Variants in HIPK4 observed in about 807,000 individuals in gnomAD.
HIPK4 encodes the protein homeodomain-interacting protein kinase 4.
A neutral mutation model predicts 44.8 loss-of-function variants in HIPK4; 26 were observed. The ratio of observed to expected loss-of-function variants is 0.58; its 90% confidence interval spans 0.43 to 0.80. HIPK4 has a LOEUF of 0.80. Among genes scored for constraint, HIPK4 ranks in the 30% least tolerant of loss-of-function variants. The pLI, the probability that HIPK4 is intolerant of heterozygous loss-of-function variation, is 0.00. For missense variants in HIPK4, 729 were observed against 862.6 expected (o/e 0.85, Z 1.94); for synonymous variants, 340 against 355.5 (o/e 0.96, Z 0.49).
At chr19:40,382,806 G>A (rs2079343448) in intron 2 of HIPK4, among the ~76,000 whole-genome samples, 1 of 151,572 alleles carries the variant, frequency 6.6e-6, no homozygotes, top group Admixed American at 6.6e-5. Flanking sequence ...TCACTGCTTT[G>A]GGAGGTCGAG....
intron 1 of HIPK4, among the ~76,000 whole-genome samples, chr19:40,386,763 G>A (rs1256639094): frequency 6.6e-6 from 1 of 152,222 alleles, no homozygotes; most frequent in Non-Finnish European, 1.5e-5. Flanking sequence ...TTGGCACACA[G>A]CAGGGGCTCA....
At chr19:40,386,345 C>T (rs1396682737) in intron 1 of HIPK4, among the ~76,000 whole-genome samples, 3 of 152,134 alleles carry the variant, frequency 2.0e-5, no homozygotes, top group Non-Finnish European at 2.9e-5. Context: ...GCGTGAGCCA[C>T]GGCGCCCAGC....
chr19:40,384,145 G>C lies in HIPK4; in HGVS notation c.466-6C>G, dbSNP rs56003460. 1.9e-6 allele frequency: 3 copies of C among 1,563,964 alleles called. No individual in the cohort carries two copies. Among genetic ancestry groups the C allele is most frequent in the Non-Finnish European group, 2.6e-6 (3 of 1,148,840 alleles). On this transcript the variant is annotated splice_polypyrimidine_tract_variant and splice_region_variant and intron_variant, in intron 1 of 3. Transcript: ENST00000291823. ...GCGGATCCGAAGTCAATCACCTGTC[G>C]GGGGTGGGGAAGAGGGCGAGTGGGC...
intron 1 of HIPK4, among the ~76,000 whole-genome samples, chr19:40,388,590 T>A (rs2079373757): frequency 6.6e-6 from 1 of 152,190 alleles, no homozygotes; most frequent in African/African-American, 2.4e-5. Flanking sequence ...GGCAGAATAA[T>A]CCACCTTTTT....
intron 2 of HIPK4, among the ~76,000 whole-genome samples, chr19:40,382,715 G>A (rs2079342883): frequency 6.6e-6 from 1 of 151,924 alleles, no homozygotes; most frequent in South Asian, 2.1e-4. Flanking sequence ...AGTCCTCATT[G>A]AGGTTTAGCC....
At position 40,389,488 on chromosome 19, in the gene HIPK4, G is replaced by T; in HGVS notation, c.415C>A (p.Pro139Thr). ...ELAIIHADLKPENIMLVDQTR... is the reference protein window; with the variant it reads ...ELAIIHADLKTENIMLVDQTR... ...TGGTCCACCAGCATGATGTTCTCAG[G>T]CTTGAGATCAGCGTGGATGATAGCC... Residue 139 changes from proline (P) to threonine (T), a missense_variant, in exon 1 of 4, where the codon CCT becomes ACT. Around this residue, in one of 2 missense-constraint regions of HIPK4, gnomAD observed 196 missense variants for 295.1 expected, o/e 0.66. Transcript: ENST00000291823. The surrounding 1 kb of genome is among the most constrained non-coding windows in gnomAD (Gnocchi z 4.6). 1 of 1,610,968 alleles carries T rather than the reference G, an allele frequency of 6.2e-7. No homozygotes were observed. Among genetic ancestry groups the T allele is most frequent in the Non-Finnish European group, 8.5e-7 (1 of 1,177,792 alleles).
At position 40,380,162 on chromosome 19, in the gene HIPK4, C is replaced by T. The variant is rs921031721; in HGVS notation, c.1668+161G>A. On this transcript the variant is annotated intron_variant, in intron 3 of 3. Coordinates refer to ENST00000291823, the MANE Select transcript of HIPK4 (RefSeq NM_144685.5). This position sits in a 1 kb window ranked among gnomAD's most constrained non-coding sequence, Gnocchi z 4.2. Reference sequence around the variant, plus strand: ...AGTGCTGAGCCTTATCATATCTTGACGGTATTAGGTGTGTGCTGAGCCTCC... The same window carrying T: ...AGTGCTGAGCCTTATCATATCTTGATGGTATTAGGTGTGTGCTGAGCCTCC... 1.3e-5 allele frequency among the ~76,000 whole-genome samples: 2 copies of T among 152,162 alleles called. No homozygotes were observed. The highest frequency in any genetic ancestry group is 6.5e-5 in the Admixed American group (1 of 15,280).
rs1349095733 is a variant in HIPK4, at chr19:40,379,580, A to G, written c.*7T>C. The G allele has an allele frequency of 6.6e-7, 1 of 1,515,792 alleles. No homozygotes were observed. The highest frequency in any genetic ancestry group is 8.8e-7 in the Non-Finnish European group (1 of 1,132,522). 93.9% of individuals were successfully genotyped at this position (1,515,792 alleles called of 1,614,324 possible). On this transcript the variant is annotated 3_prime_UTR_variant, in exon 4 of 4. Coordinates refer to ENST00000291823, the MANE Select transcript of HIPK4 (RefSeq NM_144685.5). ...GCCCCCAGTGATGGGCAGGGGTGGA[A>G]TCACCATCAGTGGTGCCCGGTGACA...
chr19:40,385,551 GA>G (rs201836302), intron 1 of HIPK4, among the ~76,000 whole-genome samples: 3 of 151,766 alleles, frequency 2.0e-5, no homozygotes, highest in Non-Finnish European at 4.4e-5. Context: ...ATCAAAAGGT[GA>G]AAGGCAGGAC....
rs763832955 is a variant in HIPK4 at position 40,389,894 on chromosome 19, G to A, written c.9C>T (p.Thr3=). The change falls in exon 1 of 4, where the codon ACC becomes ACT. Residue 3 remains threonine, a synonymous_variant. Coordinates refer to ENST00000291823, the MANE Select transcript of HIPK4 (RefSeq NM_144685.5). This position sits in a 1 kb window ranked among gnomAD's most constrained non-coding sequence, Gnocchi z 4.6. ...CGTAGCAGTCAGTCTCCGACTGGATGGTGGACATGGTGCCGCTGCTGCCAG... is the reference window on the plus strand; with the variant it reads ...CGTAGCAGTCAGTCTCCGACTGGATAGTGGACATGGTGCCGCTGCTGCCAG... The part of the protein sequence containing the change: MS[T]IQSETDCYDI... 32 of 1,604,770 alleles carry A rather than the reference G, an allele frequency of 2.0e-5. No homozygotes were observed. Among genetic ancestry groups the A allele is most frequent in the Non-Finnish European group, 2.6e-5 (31 of 1,178,686 alleles).
rs756252191 is a variant in HIPK4, at chr19:40,383,854, G to T, written c.751C>A (p.Arg251Ser). 1 of 1,614,188 alleles carries T rather than the reference G, an allele frequency of 6.2e-7. No homozygotes were observed. The highest frequency in any genetic ancestry group is 1.1e-5 in the South Asian group (1 of 91,086). The change falls in exon 2 of 4, where the codon CGC (arginine) becomes AGC (serine). Residue 251 changes from arginine (R) to serine (S), a missense_variant. Physicochemically the swap from Arg to Ser is moderately radical, Grantham distance 110. This residue lies in a region of HIPK4 where 533 missense variants were observed against 567.5 expected (regional missense o/e 0.94). Transcript: ENST00000291823. ...AACKAHHFFK[R>S]NPHPDAANPW... ...TTGGCAGCGTCAGGGTGGGGGTTGC[G>T]CTTGAAGAAGTGGTGGGCCTTGCAG...
chr19:40,383,593 T>C (rs1313285522), intron 2 of HIPK4, among the ~76,000 whole-genome samples, 190 bp downstream of exon 2: 2 of 151,900 alleles, frequency 1.3e-5, no homozygotes, highest in Non-Finnish European at 2.9e-5. Flanking sequence ...GATTTTTTTT[T>C]CCATGTTTTA....
rs756715560 is a variant in HIPK4 at position 40,384,121 on chromosome 19, C to G, written c.484G>C (p.Ala162Pro). Residue 162 changes from alanine to proline, a missense_variant, in exon 2 of 4, where the codon GCC becomes CCC. This residue lies in a region of HIPK4 where 196 missense variants were observed against 295.1 expected (regional missense o/e 0.66). Coordinates refer to ENST00000291823, the MANE Select transcript of HIPK4 (RefSeq NM_144685.5). The stretch of plus-strand genomic sequence containing the variant: ...TAGCGCACCTCGCTGAAAATGCTGG[C>G]GGATCCGAAGTCAATCACCTGTCGG... ...FRVKVIDFGS[A>P]SIFSEVRYVK... 1 of 1,583,360 alleles carries G rather than the reference C, an allele frequency of 6.3e-7. No homozygotes were observed. Among genetic ancestry groups the G allele is most frequent in the African/African-American group, 1.3e-5 (1 of 74,464 alleles).
intron 1 of HIPK4, among the ~76,000 whole-genome samples, chr19:40,385,270 G>C (rs758418565): frequency 6.6e-6 from 1 of 152,118 alleles, no homozygotes; most frequent in Non-Finnish European, 1.5e-5. Context: ...CCTGCTCATA[G>C]CCACATCCTG....
rs934727423 is a variant in HIPK4 at position 40,380,518 on chromosome 19, T to G, written c.1473A>C (p.Pro491=). Residue 491 remains proline, a synonymous_variant, in exon 3 of 4, where the codon CCA becomes CCC. Transcript: ENST00000291823. The surrounding 1 kb of genome is among the most constrained non-coding windows in gnomAD (Gnocchi z 4.2). The part of the protein sequence containing the change: ...RLAGRHKARK[P]PAGSKSDSNF... ...TGGAGTCGGACTTGGAACCCGCAGG[T>G]GGCTTGCGGGCCTTGTGGCGGCCTG... 6.2e-7 allele frequency: 1 copy of G among 1,612,278 alleles called. No homozygotes were observed. Among genetic ancestry groups the G allele is most frequent in the Admixed American group, 1.7e-5 (1 of 60,002 alleles).
At position 40,383,959 on chromosome 19, in the gene HIPK4, G is replaced by C. The variant is rs1186866702; in HGVS notation, c.646C>G (p.Pro216Ala). The C allele has an allele frequency of 1.2e-6, 2 of 1,614,052 alleles. No individual in the cohort carries two copies. Among genetic ancestry groups the C allele is most frequent in the African/African-American group, 2.7e-5 (2 of 74,924 alleles). Residue 216 changes from proline (P) to alanine (A), a missense_variant, in exon 2 of 4, where the codon CCC (proline) becomes GCC (alanine). This residue lies in a region of HIPK4 where 533 missense variants were observed against 567.5 expected (regional missense o/e 0.94). Coordinates refer to ENST00000291823, the MANE Select transcript of HIPK4 (RefSeq NM_144685.5). ...AELHLGWPLY[P>A]GNNEYDQVRY... ...ACCTGGTCGTACTCGTTGTTGCCGGGGTAGAGAGGCCAGCCCAGGTGCAGC... is the reference window on the plus strand; with the variant it reads ...ACCTGGTCGTACTCGTTGTTGCCGGCGTAGAGAGGCCAGCCCAGGTGCAGC...
chr19:40,381,862 G>A (rs1321293345), intron 2 of HIPK4, among the ~76,000 whole-genome samples: 7 of 143,670 alleles, frequency 4.9e-5, no homozygotes, highest in African/African-American at 1.8e-4. Flanking sequence ...CTGGAGTGCA[G>A]TGGTACAATC....
Position 40,380,436 on chromosome 19 carries a change from G to A in HIPK4, c.1555C>T (p.Arg519Trp), listed in dbSNP as rs573403377. ...QVSPEDDRPC[R>W]GSSWEEGEHL... ...TCTCCTTCCTCCCAGCTGCTGCCCC[G>A]GCAGGGCCTGTCATCCTCAGGCGAG... is the stretch of plus-strand genomic sequence containing the variant. The change falls in exon 3 of 4, where the codon CGG (arginine) becomes TGG (tryptophan). Residue 519 changes from arginine to tryptophan, a missense_variant. Coordinates refer to ENST00000291823, the MANE Select transcript of HIPK4 (RefSeq NM_144685.5). The surrounding 1 kb of genome is among the most constrained non-coding windows in gnomAD (Gnocchi z 4.2). 13 of 1,614,066 alleles carry A rather than the reference G, an allele frequency of 8.1e-6. No homozygotes were observed. The highest frequency in any genetic ancestry group is 1.6e-4 in the Middle Eastern group (1 of 6,062).
chr19:40,380,392 A>G lies in HIPK4; in HGVS notation c.1599T>C (p.Ala533=), dbSNP rs1278338237. The change falls in exon 3 of 4, where the codon GCT becomes GCC. Residue 533 remains alanine, a synonymous_variant. Coordinates refer to ENST00000291823, the MANE Select transcript of HIPK4 (RefSeq NM_144685.5). This position sits in a 1 kb window ranked among gnomAD's most constrained non-coding sequence, Gnocchi z 4.2. ...WEEGEHLGAS[A]EPLAILQRDE... ...CTCGCTGCAGGATGGCCAGTGGCTC[A>G]GCAGAGGCCCCGAGATGCTCTCCTT... 3.1e-6 allele frequency: 5 copies of G among 1,614,116 alleles called. No individual in the cohort carries two copies. The highest frequency in any genetic ancestry group is 1.3e-5 in the African/African-American group (1 of 74,942).
Sources: allele counts gnomAD v4.1 joint callset (sites outside exome capture counted in the v4.1 genomes callset), GRCh38; gene constraint gnomAD v4.1.1; regional missense constraint gnomAD v4.1.1; non-coding constraint Gnocchi (gnomAD v3.1); transcripts MANE v1.5; gene names NCBI Gene and HGNC (gene_info 2026-07-23, HGNC 2026-07-21).